Variants in SERTM1 observed in about 807,000 individuals in gnomAD.
The protein encoded by SERTM1 is serine rich and transmembrane domain containing 1.
In SERTM1, 1 loss-of-function variant was observed where a neutral mutation model predicts 5.5. That is an observed-to-expected ratio of 0.18 (90% CI 0.06 to 0.86). The LOEUF (loss-of-function observed/expected upper bound fraction) is 0.86. Ranked by LOEUF, SERTM1 falls within the 40% of genes least tolerant of loss-of-function variation. The pLI, the probability that SERTM1 is intolerant of heterozygous loss-of-function variation, is 0.69. For missense variants in SERTM1, 91 were observed against 122.4 expected (o/e 0.74, Z 1.21); for synonymous variants, 52 against 55.1 (o/e 0.94, Z 0.25).
intron 1 of SERTM1, among the ~76,000 whole-genome samples, chr13:36,677,019 C>T (rs567706845): frequency 2.0e-5 from 3 of 152,086 alleles, no homozygotes; most frequent in South Asian, 2.1e-4. Flanking sequence ...TGTGCATTCA[C>T]GGGCCATTTC....
At chr13:36,692,865 C>T (rs2056788084) in intron 1 of SERTM1, among the ~76,000 whole-genome samples, 1 of 152,214 alleles carries the variant, frequency 6.6e-6, no homozygotes, top group African/African-American at 2.4e-5. Context: ...CACTGTCTAG[C>T]TATGTACCCT....
In SERTM1 at chr13:36,696,577, G is replaced by A. The variant is rs151065693; in HGVS notation, c.*1175G>A. 1,123 of 167,038 alleles carry A rather than the reference G, an allele frequency of 6.7e-3. 8 individuals carry two copies. Among genetic ancestry groups the A allele is most frequent in the South Asian group, 0.022 (106 of 4,828 alleles). The allele number at this position is 167,038 out of a possible 1,614,324, so 10.3% of individuals were successfully genotyped here. A position where few individuals can be genotyped will look rare whatever the true frequency, so the allele number is the denominator to read the frequency against. On this transcript the variant is annotated 3_prime_UTR_variant, in exon 2 of 2. Coordinates refer to ENST00000315190, the MANE Select transcript of SERTM1 (RefSeq NM_203451.3). ...CTTTAGGGATCCTAGGAGCTGCCGT[G>A]CTGCAGGCAGCAGAGTATGTCTGAA...
At chr13:36,687,744 TACAC>T (rs148142579) in intron 1 of SERTM1, among the ~76,000 whole-genome samples, 10 of 150,968 alleles carry the variant, frequency 6.6e-5, no homozygotes, top group Non-Finnish European at 1.3e-4. Context: ...AAATTAAAAA[TACAC>T]ACACACACAC....
rs148042859 is a variant in SERTM1, at chr13:36,688,157, C to A, written c.-173-6749C>A. On this transcript the variant is annotated intron_variant, in intron 1 of 1. Coordinates refer to ENST00000315190, the MANE Select transcript of SERTM1 (RefSeq NM_203451.3). The stretch of plus-strand genomic sequence containing the variant: ...AAAATGAGACACAAAAGAAAAGGAA[C>A]AGGCACCATTCCATTGTCCTAGCAC... Among the ~76,000 whole-genome samples, 277 of 151,904 alleles carry A rather than the reference C, an allele frequency of 1.8e-3. 3 individuals carry two copies. Among genetic ancestry groups the A allele is most frequent in the African/African-American group, 6.5e-3 (269 of 41,430 alleles).
rs543074857 is a variant in SERTM1, at chr13:36,678,362, AGTT to A, written c.-174+4185_-174+4187del. Among the ~76,000 whole-genome samples, 678 of 152,268 alleles carry A rather than the reference AGTT, an allele frequency of 4.5e-3. 6 individuals are homozygous for A. Among genetic ancestry groups the A allele is most frequent in the African/African-American group, 0.015 (616 of 41,538 alleles). ...TGTGTATAATAGTAGTAGCAGTAGTAGTTGTTGTTTTACAAAAAATGGAATCAT... is the reference window on the plus strand; with the variant it reads ...TGTGTATAATAGTAGTAGCAGTAGTAGTTGTTTTACAAAAAATGGAATCAT... On this transcript the variant is annotated intron_variant, in intron 1 of 1. Transcript: ENST00000315190.
intron 1 of SERTM1, among the ~76,000 whole-genome samples, chr13:36,679,719 C>G (rs1486159605): frequency 6.6e-6 from 1 of 152,112 alleles, no homozygotes; most frequent in African/African-American, 2.4e-5. Flanking sequence ...CTTAGTTACC[C>G]TTGAACACAT....
intron 1 of SERTM1, among the ~76,000 whole-genome samples, chr13:36,694,065 C>T (rs936757331): frequency 4.6e-5 from 7 of 152,192 alleles, no homozygotes; most frequent in African/African-American, 1.7e-4. Flanking sequence ...CAATGCTTTA[C>T]AGTTCAGCAT....
At chr13:36,684,049 G>A (rs2056724136) in intron 1 of SERTM1, among the ~76,000 whole-genome samples, 1 of 152,190 alleles carries the variant, frequency 6.6e-6, no homozygotes, top group Non-Finnish European at 1.5e-5. Context: ...TGTAATCCCA[G>A]CACTTTGGGA....
chr13:36,688,771 T>C (rs1459888230), intron 1 of SERTM1, among the ~76,000 whole-genome samples: 1 of 152,214 alleles, frequency 6.6e-6, no homozygotes, highest in African/African-American at 2.4e-5. Flanking sequence ...CATTATGATC[T>C]TACTTATGAT....
chr13:36,688,635 T>G (rs1353455560), intron 1 of SERTM1, among the ~76,000 whole-genome samples: 1 of 152,234 alleles, frequency 6.6e-6, no homozygotes, highest in Non-Finnish European at 1.5e-5. Flanking sequence ...CTTAATATAC[T>G]TCTAAAATAT....
intron 1 of SERTM1, among the ~76,000 whole-genome samples, chr13:36,683,233 T>C (rs2056717592): frequency 6.6e-6 from 1 of 152,206 alleles, no homozygotes; most frequent in African/African-American, 2.4e-5. Flanking sequence ...GGAACATGTC[T>C]TTGGCACTAC....
At chr13:36,677,607 T>C (rs528621024) in intron 1 of SERTM1, among the ~76,000 whole-genome samples, 3 of 152,222 alleles carry the variant, frequency 2.0e-5, no homozygotes, top group African/African-American at 7.2e-5. Context: ...TAAGAATCAG[T>C]TTCAAATTAA....
intron 1 of SERTM1, among the ~76,000 whole-genome samples, chr13:36,693,681 T>C (rs562724645): frequency 2.6e-5 from 4 of 152,256 alleles, no homozygotes; most frequent in South Asian, 4.1e-4. Flanking sequence ...CTTAATTAGA[T>C]TTGGAGAACA....
At chr13:36,686,463 G>T (rs1037890468) in intron 1 of SERTM1, among the ~76,000 whole-genome samples, 1 of 152,136 alleles carries the variant, frequency 6.6e-6, no homozygotes, top group African/African-American at 2.4e-5. Context: ...TTGAAAACTT[G>T]CAAGAATAAT....
intron 1 of SERTM1, among the ~76,000 whole-genome samples, chr13:36,693,153 G>A (rs1293257106): frequency 6.6e-6 from 1 of 152,148 alleles, no homozygotes; most frequent in African/African-American, 2.4e-5. Context: ...AAATCAATTA[G>A]CTTCTTTATT....
At chr13:36,677,793 G>A (rs993333653) in intron 1 of SERTM1, among the ~76,000 whole-genome samples, 4 of 152,224 alleles carry the variant, frequency 2.6e-5, no homozygotes, top group African/African-American at 9.6e-5. Context: ...ACTGTTGCCA[G>A]TTAAACTGGC....
chr13:36,678,997 G>A (rs896290552), intron 1 of SERTM1, among the ~76,000 whole-genome samples: 4 of 151,980 alleles, frequency 2.6e-5, no homozygotes, highest in Non-Finnish European at 4.4e-5. Context: ...TCTTCCCTAT[G>A]CCTGGCACAT....
At position 36,674,049 on chromosome 13, in the gene SERTM1, G is replaced by C. The variant is rs972947218; in HGVS notation, c.-309G>C. ...CCGCTGCGCCTGCTGTCCGCCGTGCGCCCAGACTGCGCGCCGCGCCGCTGC... is the reference window on the plus strand; with the variant it reads ...CCGCTGCGCCTGCTGTCCGCCGTGCCCCCAGACTGCGCGCCGCGCCGCTGC... On this transcript the variant is annotated 5_prime_UTR_variant, in exon 1 of 2. Transcript: ENST00000315190. The C allele has an allele frequency of 6.6e-6, 1 of 152,256 alleles. No homozygotes were observed. Among genetic ancestry groups the C allele is most frequent in the African/African-American group, 2.4e-5 (1 of 41,442 alleles). 9.4% of individuals were successfully genotyped at this position (152,256 alleles called of 1,614,324 possible).
At chr13:36,674,777 G>T (rs1401250876) in intron 1 of SERTM1, among the ~76,000 whole-genome samples, 1 of 152,134 alleles carries the variant, frequency 6.6e-6, no homozygotes, top group African/African-American at 2.4e-5. Context: ...CTTTTCGCCC[G>T]TCTTAGGGTG....
Sources: gnomAD v4.1 joint callset for allele counts (sites outside exome capture counted in the v4.1 genomes callset) on GRCh38, gnomAD v4.1.1 for gene constraint, MANE v1.5 for transcripts, NCBI Gene and HGNC (gene_info 2026-07-23, HGNC 2026-07-21) for gene names.